SQOR: variants seen among roughly 807,000 people sequenced by gnomAD.
SQOR encodes the protein sulfide:quinone oxidoreductase, mitochondrial.
In SQOR, 39 loss-of-function variants were observed where a neutral mutation model predicts 48.6. That is an observed-to-expected ratio of 0.80 (90% confidence interval 0.62 to 1.05). The LOEUF (loss-of-function observed/expected upper bound fraction) is 1.05. SQOR is among the 50% of genes least tolerant of loss of function. The probability of loss-of-function intolerance (pLI) is 0.00; values close to 1 mark genes in which losing one functional copy is unlikely to be tolerated. For missense variants in SQOR, 561 were observed against 559.9 expected (o/e 1.00, Z -0.02); for synonymous variants, 220 against 206.2 (o/e 1.07, Z -0.57).
Position 45,661,187 on chromosome 15 carries a change from C to G in SQOR, c.235-768C>G, listed in dbSNP as rs1405418906. 1.0e-4 allele frequency among the ~76,000 whole-genome samples: 15 copies of G among 148,864 alleles called. No homozygotes were observed. In the Admixed American group the frequency reaches 1.0e-3, roughly 10 times the overall value. On this transcript the variant is annotated intron_variant, in intron 2 of 9. Coordinates refer to ENST00000260324, the MANE Select transcript of SQOR (RefSeq NM_021199.4). Reference sequence around the variant, plus strand: ...GTCCCAGCTACTCAGGAGGCTGAGGCAGAAGAATCGCCTGAACCTGGGAGG... The same window carrying G: ...GTCCCAGCTACTCAGGAGGCTGAGGGAGAAGAATCGCCTGAACCTGGGAGG...
At chr15:45,645,561 T>G (rs1356392561) in intron 1 of SQOR, among the ~76,000 whole-genome samples, 1 of 152,186 alleles carries the variant, frequency 6.6e-6, no homozygotes, top group Non-Finnish European at 1.5e-5. Context: ...AACACTCCCG[T>G]GAATGAGAGA....
intron 4 of SQOR, among the ~76,000 whole-genome samples, chr15:45,671,036 G>A (rs1305203140): frequency 6.6e-6 from 1 of 152,230 alleles, no homozygotes; most frequent in African/African-American, 2.4e-5. Context: ...GAGAAGCACT[G>A]CAGAGGCCAG....
At position 45,691,229 on chromosome 15, in the gene SQOR, G is replaced by T; in HGVS notation, c.*199G>T. The T allele has an allele frequency of 2.0e-6, 1 of 511,476 alleles. No homozygotes were observed. Among genetic ancestry groups the T allele is most frequent in the Non-Finnish European group, 3.5e-6 (1 of 286,592 alleles). The allele number at this position is 511,476 out of a possible 1,614,324, so 31.7% of individuals were successfully genotyped here. A position where few individuals can be genotyped will look rare whatever the true frequency, so the allele number is the denominator to read the frequency against. ...ACTCATGATGGGCTTGATTCTTTGG[G>T]AATAATAAAATGAAATAATACTTTT... On this transcript the variant is annotated 3_prime_UTR_variant, in exon 10 of 10. Transcript: ENST00000260324.
chr15:45,683,875 CAT>C (rs112897464), intron 7 of SQOR, among the ~76,000 whole-genome samples: 1,496 of 144,750 alleles, frequency 0.01, 26 homozygotes, highest in African/African-American at 0.035. Context: ...TGTGTGTGTA[CAT>C]ATATATATAT....
intron 4 of SQOR, among the ~76,000 whole-genome samples, chr15:45,671,034 C>T (rs1231401483): frequency 6.6e-6 from 1 of 152,230 alleles, no homozygotes; most frequent in African/African-American, 2.4e-5. Flanking sequence ...GTGAGAAGCA[C>T]TGCAGAGGCC....
intron 1 of SQOR, among the ~76,000 whole-genome samples, chr15:45,644,870 A>G (rs565469001): frequency 6.6e-6 from 1 of 152,294 alleles, no homozygotes; most frequent in South Asian, 2.1e-4. Flanking sequence ...GTTAAAGCCA[A>G]ATAGAGGAGG....
At chr15:45,647,122 G>C (rs1889355129) in intron 1 of SQOR, among the ~76,000 whole-genome samples, 1 of 151,782 alleles carries the variant, frequency 6.6e-6, no homozygotes, top group African/African-American at 2.4e-5. Flanking sequence ...TGTGGTGGGC[G>C]CCTGTAATCC....
At position 45,669,948 on chromosome 15, in the gene SQOR, T is replaced by G. The variant is rs374861127; in HGVS notation, c.426T>G (p.Ile142Met). Residue 142 changes from isoleucine to methionine, a missense_variant, in exon 4 of 10, where the codon ATT becomes ATG. Coordinates refer to ENST00000260324, the MANE Select transcript of SQOR (RefSeq NM_021199.4). ...TGCAGATCTCCTACCGATATCTTAT[T>G]ATTGCTCTCGGAATCCAGCTGGACT... ...DDEKISYRYL[I>M]IALGIQLDYE... The G allele has an allele frequency of 1.2e-6, 2 of 1,614,034 alleles. No homozygotes were observed. The highest frequency in any genetic ancestry group is 2.7e-5 in the African/African-American group (2 of 74,950).
chr15:45,676,051 AG>A, intron 5 of SQOR, 49 bp from the exon 6 acceptor site: 1 of 1,485,428 alleles, frequency 6.7e-7, no homozygotes, highest in Non-Finnish European at 9.1e-7. Context: ...AAAAAAAAAA[AG>A]GCAGCTGCAG....
In SQOR at chr15:45,684,592, TTCTC is replaced by T. The variant is rs66499038; in HGVS notation, c.1048+1949_1048+1952del. On this transcript the variant is annotated intron_variant, in intron 7 of 9. Coordinates refer to ENST00000260324, the MANE Select transcript of SQOR (RefSeq NM_021199.4). ...GACTTCCTCACTGGGTTAAGGGGTG[TTCTC>T]TCTCTCTCTCTCTCTCTTTTTTTTT... 7.0e-3 allele frequency among the ~76,000 whole-genome samples: 1,054 copies of T among 150,146 alleles called. 9 individuals carry two copies. Among genetic ancestry groups the T allele is most frequent in the African/African-American group, 0.025 (1,005 of 40,972 alleles).
intron 3 of SQOR, 127 bp downstream of exon 3, chr15:45,662,252 T>A: frequency 1.1e-6 from 1 of 949,694 alleles, no homozygotes; most frequent in Non-Finnish European, 1.6e-6. Context: ...AACGTATGTG[T>A]GTTGAATACT....
At chr15:45,647,811 G>C (rs1030419003) in intron 1 of SQOR, among the ~76,000 whole-genome samples, 1 of 152,086 alleles carries the variant, frequency 6.6e-6, no homozygotes, top group African/African-American at 2.4e-5. Context: ...AGCTACTCGG[G>C]AGACTTGAAG....
intron 1 of SQOR, among the ~76,000 whole-genome samples, chr15:45,652,453 G>C (rs1466041680): frequency 6.6e-6 from 1 of 152,068 alleles, no homozygotes; most frequent in Non-Finnish European, 1.5e-5. Flanking sequence ...TTGTGCCTCA[G>C]CTTTCACAGT....
intron 9 of SQOR, among the ~76,000 whole-genome samples, chr15:45,690,082 C>CTTTTTTTTTTT (rs11449007): frequency 1.5e-5 from 2 of 137,018 alleles, no homozygotes; most frequent in Non-Finnish European, 1.5e-5. Context: ...CCTCTTCCTC[C>CTTTTTTTTTTT]TTTTTTTTTT....
chr15:45,689,079 A>G lies in SQOR; in HGVS notation c.1157A>G (p.Asn386Ser), dbSNP rs777247034. ...YTSCPLVTGYNRVILAEFDYK... is the reference protein window; with the variant it reads ...YTSCPLVTGYSRVILAEFDYK... ...TCATGTCCACTGGTGACCGGCTACA[A>G]CCGTGTGATTCTTGCTGAGTTTGAC... The change falls in exon 9 of 10, where the codon AAC becomes AGC. Residue 386 changes from asparagine (N) to serine (S), a missense_variant. By Grantham distance (46) the Asn-to-Ser change is conservative. Transcript: ENST00000260324. The G allele has an allele frequency of 4.3e-6, 7 of 1,614,082 alleles. No homozygotes were observed. In the African/African-American group the frequency reaches 9.3e-5, roughly 22 times the overall value.
intron 4 of SQOR, among the ~76,000 whole-genome samples, chr15:45,673,291 G>C (rs1413918072): frequency 6.6e-6 from 1 of 152,170 alleles, no homozygotes; most frequent in African/African-American, 2.4e-5. Flanking sequence ...GAGGCAACTG[G>C]GTCTCCTAAA....
intron 1 of SQOR, among the ~76,000 whole-genome samples, chr15:45,637,625 G>A (rs538674043): frequency 1.3e-5 from 2 of 152,288 alleles, no homozygotes; most frequent in East Asian, 1.9e-4. Flanking sequence ...GAACGGGGGT[G>A]TTTGAAATGT....
chr15:45,657,520 C>A (rs1889632838), intron 1 of SQOR, among the ~76,000 whole-genome samples: 1 of 152,122 alleles, frequency 6.6e-6, no homozygotes, highest in Non-Finnish European at 1.5e-5. Flanking sequence ...CCGTGGGCCT[C>A]CAAATCCCCT....
At chr15:45,673,492 T>C in intron 4 of SQOR, 115 bp from the exon 5 acceptor site, 4 of 1,143,828 alleles carry the variant, frequency 3.5e-6, no homozygotes, top group Non-Finnish European at 5.0e-6. Context: ...CATGTGGGTA[T>C]TGGAGGGTAA....
Sources: allele counts gnomAD v4.1 joint callset (sites outside exome capture counted in the v4.1 genomes callset), GRCh38; gene constraint gnomAD v4.1.1; transcripts MANE v1.5; gene names NCBI Gene and HGNC (gene_info 2026-07-23, HGNC 2026-07-21).